ANKRD62: variants seen among roughly 807,000 people sequenced by gnomAD.
The protein encoded by ANKRD62 is ankyrin repeat domain-containing protein 62.
Under a neutral mutation model 98.8 loss-of-function variants are expected in ANKRD62, and 61 were observed. The ratio of observed to expected loss-of-function variants is 0.62; its 90% CI spans 0.50 to 0.76. The LOEUF (loss-of-function observed/expected upper bound fraction) is 0.76, where lower values mean the gene tolerates loss of function less well. ANKRD62 is among the 30% of genes least tolerant of loss of function. The pLI is 0.00. For synonymous variants in ANKRD62, 341 were observed against 367.9 expected (o/e 0.93, Z 0.84); for missense variants, 933 against 1,082.9 (o/e 0.86, Z 1.94).
the ANKRD62 span, among the ~76,000 whole-genome samples, chr18:12,173,805 G>T: frequency 6.6e-6 from 1 of 152,198 alleles, no homozygotes; most frequent in Admixed American, 6.5e-5. Flanking sequence ...TAAAAATGTT[G>T]AATATTGGCC....
intron 10 of ANKRD62, among the ~76,000 whole-genome samples, chr18:12,117,955 G>C (rs1220729150): frequency 6.6e-6 from 1 of 152,114 alleles, no homozygotes; most frequent in Non-Finnish European, 1.5e-5. Flanking sequence ...TGAGAGGAAG[G>C]TACAGAGATT....
chr18:12,096,074 G>A (rs77261426), intron 3 of ANKRD62, 122 bp from the exon 4 acceptor site: 3 of 691,216 alleles, frequency 4.3e-6, no homozygotes, highest in African/African-American at 1.8e-5. Flanking sequence ...GAGAAGGAAG[G>A]GATTGCTTTT....
chr18:12,108,753 G>T (rs1219551229), intron 8 of ANKRD62, among the ~76,000 whole-genome samples: 2 of 152,102 alleles, frequency 1.3e-5, no homozygotes, highest in Non-Finnish European at 2.9e-5. Flanking sequence ...ATACAGTGGG[G>T]GTACATGCAT....
intron 8 of ANKRD62, among the ~76,000 whole-genome samples, chr18:12,114,765 C>T (rs1239788516): frequency 1.3e-5 from 2 of 152,166 alleles, no homozygotes; most frequent in South Asian, 2.1e-4. Context: ...AAGGGCAAAA[C>T]CCCAGGATAC....
the ANKRD62 span, among the ~76,000 whole-genome samples, chr18:12,136,779 T>G: frequency 5.3e-5 from 8 of 152,274 alleles, no homozygotes; most frequent in South Asian, 2.1e-4. Context: ...TTGTAAGTTG[T>G]ATTCCTAGGT....
At chr18:12,175,321 AG>A in the ANKRD62 span, among the ~76,000 whole-genome samples, 3 of 151,954 alleles carry the variant, frequency 2.0e-5, no homozygotes, top group African/African-American at 4.9e-5. Flanking sequence ...GTGGGAGTGG[AG>A]CTCGCTGGCT....
At chr18:12,161,108 C>G in the ANKRD62 span, among the ~76,000 whole-genome samples, 1 of 152,108 alleles carries the variant, frequency 6.6e-6, no homozygotes, top group African/African-American at 2.4e-5. Context: ...AACAGTGATT[C>G]CTCAGGCAGT....
At chr18:12,132,441 CT>C (rs941700205), downstream of ANKRD62, among the ~76,000 whole-genome samples, 12 of 152,020 alleles carry the variant, frequency 7.9e-5, no homozygotes, top group Admixed American at 3.3e-4. Flanking sequence ...TTCTTTCTTC[CT>C]TTTTTTCTTC....
chr18:12,107,924 A>G (rs1271090573), intron 8 of ANKRD62, among the ~76,000 whole-genome samples: 1 of 152,192 alleles, frequency 6.6e-6, no homozygotes, highest in African/African-American at 2.4e-5. Flanking sequence ...TATATATAAC[A>G]TGCAATAGGC....
the ANKRD62 span, among the ~76,000 whole-genome samples, chr18:12,166,298 T>C: frequency 6.6e-6 from 1 of 152,136 alleles, no homozygotes; most frequent in Non-Finnish European, 1.5e-5. Flanking sequence ...GGCTATTTTC[T>C]GTATCTTGTA....
chr18:12,115,143 A>G, intron 9 of ANKRD62, 22 bp downstream of exon 9: 1 of 1,397,110 alleles, frequency 7.2e-7, no homozygotes, highest in Non-Finnish European at 9.3e-7. Context: ...GTAAATTGTC[A>G]AGAATGCTGT....
chr18:12,128,393 C>T lies in ANKRD62; in HGVS notation c.*454C>T, dbSNP rs990661379. The T allele has an allele frequency of 6.6e-6, 1 of 152,370 alleles. No individual in the cohort carries two copies. Among genetic ancestry groups the T allele is most frequent in the Non-Finnish European group, 1.5e-5 (1 of 68,208 alleles). 9.4% of individuals were successfully genotyped at this position (152,370 alleles called of 1,614,324 possible). ...TAGTATTTTGATGAAAATCCTTGCTCTGACTTTATATTGGTCTATAGTCAG... is the reference window on the plus strand; with the variant it reads ...TAGTATTTTGATGAAAATCCTTGCTTTGACTTTATATTGGTCTATAGTCAG... On this transcript the variant is annotated 3_prime_UTR_variant, in exon 14 of 14. Coordinates refer to ENST00000587848, the MANE Select transcript of ANKRD62 (RefSeq NM_001277333.2).
chr18:12,127,071 T>G (rs1177769755), intron 13 of ANKRD62, among the ~76,000 whole-genome samples: 1 of 152,230 alleles, frequency 6.6e-6, no homozygotes, highest in Non-Finnish European at 1.5e-5. Context: ...CTTTCAATTT[T>G]TCAGTCAAAA....
the ANKRD62 span, among the ~76,000 whole-genome samples, chr18:12,172,910 G>A: frequency 1.2e-4 from 19 of 152,252 alleles, no homozygotes; most frequent in Admixed American, 4.6e-4. Flanking sequence ...TCTGAGCCAT[G>A]CATGGGATAT....
At chr18:12,119,346 CTTTTT>C (rs56255574) in intron 10 of ANKRD62, among the ~76,000 whole-genome samples, 2 of 132,530 alleles carry the variant, frequency 1.5e-5, no homozygotes, top group African/African-American at 2.8e-5. Flanking sequence ...TGATCTTCTT[CTTTTT>C]TTTTTTTTTT....
the ANKRD62 span, among the ~76,000 whole-genome samples, chr18:12,152,177 CAAAAAA>C: frequency 1.0e-4 from 7 of 68,256 alleles, no homozygotes; most frequent in Middle Eastern, 9.6e-3. Flanking sequence ...GAAATGCTTC[CAAAAAA>C]AAAAAAAAAA....
At chr18:12,140,348 G>A in the ANKRD62 span, among the ~76,000 whole-genome samples, 1 of 152,040 alleles carries the variant, frequency 6.6e-6, no homozygotes, top group Non-Finnish European at 1.5e-5. Context: ...CTCTCAACTC[G>A]TCAAAGTCAA....
At chr18:12,123,761 G>A (rs1909829469) in intron 11 of ANKRD62, among the ~76,000 whole-genome samples, 1 of 152,044 alleles carries the variant, frequency 6.6e-6, no homozygotes, top group Admixed American at 6.6e-5. Context: ...TTCTAGTGAA[G>A]GTATCAACTT....
At chr18:12,162,475 C>T in the ANKRD62 span, among the ~76,000 whole-genome samples, 1 of 152,052 alleles carries the variant, frequency 6.6e-6, no homozygotes, top group Admixed American at 6.6e-5. Context: ...TGTCAGTTAT[C>T]TGTTCACTTT....
Sources: allele counts gnomAD v4.1 joint callset (sites outside exome capture counted in the v4.1 genomes callset), GRCh38; gene constraint gnomAD v4.1.1; transcripts MANE v1.5; gene names NCBI Gene and HGNC (gene_info 2026-07-23, HGNC 2026-07-21).